The following CDH8 variants were observed in gnomAD, a reference collection of about 807,000 sequenced individuals.
CDH8 encodes cadherin-8.
A neutral mutation model predicts 68.1 loss-of-function variants in CDH8; 17 were observed. That is an observed-to-expected ratio of 0.25 (90% CI 0.17 to 0.37). The LOEUF (loss-of-function observed/expected upper bound fraction) is 0.37. Among genes scored for constraint, CDH8 ranks in the 10% least tolerant of loss-of-function variants. The pLI is 1.00. For missense variants in CDH8, 763 were observed against 999.3 expected, an observed-to-expected ratio of 0.76 and a Z score of 3.19; for synonymous variants, 372 against 365.1, an observed-to-expected ratio of 1.02 and a Z score of -0.21.
At chr16:62,025,406 G>C (rs537986035) in intron 1 of CDH8, among the ~76,000 whole-genome samples, 2 of 151,506 alleles carry the variant, frequency 1.3e-5, no homozygotes, top group Non-Finnish European at 3.0e-5. Flanking sequence ...TTTCTCCAAA[G>C]GTCTAGCCAT....
intron 10 of CDH8, among the ~76,000 whole-genome samples, chr16:61,697,619 G>A (rs1026705455): frequency 3.9e-5 from 6 of 151,930 alleles, no homozygotes. Context: ...TCAAGTCTCA[G>A]CCTCCTGAGT....
chr16:61,993,767 G>A (rs1186219610), intron 2 of CDH8, among the ~76,000 whole-genome samples: 1 of 151,984 alleles, frequency 6.6e-6, no homozygotes, highest in African/African-American at 2.4e-5. Flanking sequence ...TTATGCACAC[G>A]TAAGTATACA....
chr16:61,985,946 CAG>C (rs1159429425), intron 2 of CDH8, among the ~76,000 whole-genome samples: 45 of 105,098 alleles, frequency 4.3e-4, no homozygotes, highest in African/African-American at 1.6e-3. Context: ...TTTTTTGAGA[CAG>C]AGTCTCACTC....
chr16:61,797,608 C>T (rs1324963677), intron 7 of CDH8, among the ~76,000 whole-genome samples: 1 of 151,946 alleles, frequency 6.6e-6, no homozygotes, highest in Non-Finnish European at 1.5e-5. Context: ...TAAGGTATGC[C>T]CCAAATGAGA....
intron 9 of CDH8, among the ~76,000 whole-genome samples, chr16:61,715,642 C>T (rs534379149): frequency 6.6e-6 from 1 of 151,634 alleles, no homozygotes; most frequent in Non-Finnish European, 1.5e-5. Context: ...AACTCTGTTA[C>T]TCAATGACCC....
At chr16:61,974,737 C>G (rs1487090297) in intron 2 of CDH8, among the ~76,000 whole-genome samples, 2 of 152,084 alleles carry the variant, frequency 1.3e-5, no homozygotes, top group Non-Finnish European at 2.9e-5. Context: ...GGCAGTAATT[C>G]TAGGAGCTAT....
chr16:61,808,689 A>T (rs1329720217), intron 7 of CDH8, among the ~76,000 whole-genome samples: 2 of 152,324 alleles, frequency 1.3e-5, no homozygotes, highest in East Asian at 3.9e-4. Flanking sequence ...GAGCTTTGAG[A>T]CAGAGTAAAA....
rs1054000571 is a variant in CDH8, at chr16:61,870,336, G to A, written c.548-13098C>T. Reference sequence around the variant, plus strand: ...GTTCGCCAGGCGGAAAGAAAAATGCGGCAGTAAGTATTTTGTACATGTTTC... The same window carrying A: ...GTTCGCCAGGCGGAAAGAAAAATGCAGCAGTAAGTATTTTGTACATGTTTC... On this transcript the variant is annotated intron_variant, in intron 3 of 11. Coordinates refer to ENST00000577390, the MANE Select transcript of CDH8 (RefSeq NM_001796.5). Among the ~76,000 whole-genome samples, 8 of 152,228 alleles carry A rather than the reference G, an allele frequency of 5.3e-5. No homozygotes were observed. In the East Asian group the frequency reaches 7.7e-4, roughly 15 times the overall value.
intron 4 of CDH8, among the ~76,000 whole-genome samples, chr16:61,852,883 T>C (rs1490583937): frequency 1.8e-5 from 2 of 113,888 alleles, no homozygotes; most frequent in African/African-American, 3.2e-5. Context: ...CCTTCCTTCC[T>C]TCCTTCCTTC....
At chr16:61,918,653 T>A (rs1054200478) in intron 2 of CDH8, 1 of 154,768 alleles carries the variant, frequency 6.5e-6, no homozygotes, top group Non-Finnish European at 1.4e-5. Flanking sequence ...GGCACCTGGC[T>A]CGGAGGGTCC....
chr16:62,009,423 T>C (rs1248952896), intron 2 of CDH8, among the ~76,000 whole-genome samples: 1 of 152,242 alleles, frequency 6.6e-6, no homozygotes, highest in Non-Finnish European at 1.5e-5. Context: ...CTGGAGCCTC[T>C]GTAATATTGT....
chr16:61,985,196 G>T (rs1186568277), intron 2 of CDH8, among the ~76,000 whole-genome samples: 2 of 151,866 alleles, frequency 1.3e-5, no homozygotes, highest in Non-Finnish European at 1.5e-5. Context: ...CCTTTGCAAG[G>T]ATGATCAGAA....
chr16:61,715,841 T>A (rs1158548682), intron 9 of CDH8, among the ~76,000 whole-genome samples: 1 of 151,676 alleles, frequency 6.6e-6, no homozygotes, highest in Admixed American at 6.6e-5. Flanking sequence ...CAAGTAAAAA[T>A]ATTTAACAGA....
intron 3 of CDH8, among the ~76,000 whole-genome samples, chr16:61,880,211 A>G (rs781425808): frequency 6.6e-5 from 10 of 152,190 alleles, no homozygotes; most frequent in Non-Finnish European, 1.5e-4. Context: ...GGTGTAAGCC[A>G]CCGTGCCCGG....
At chr16:62,028,910 T>G (rs904944320) in intron 1 of CDH8, among the ~76,000 whole-genome samples, 4 of 152,178 alleles carry the variant, frequency 2.6e-5, no homozygotes, top group Non-Finnish European at 5.9e-5. Flanking sequence ...ACCTACTGAG[T>G]GACAACATTT....
chr16:61,999,182 C>G (rs563202889), intron 2 of CDH8, among the ~76,000 whole-genome samples: 1 of 152,300 alleles, frequency 6.6e-6, no homozygotes, highest in South Asian at 2.1e-4. Context: ...AGGTACTTCT[C>G]ATGTATTTAC....
At chr16:62,013,981 A>G (rs1293231341) in intron 2 of CDH8, among the ~76,000 whole-genome samples, 1 of 152,206 alleles carries the variant, frequency 6.6e-6, no homozygotes, top group Non-Finnish European at 1.5e-5. Context: ...AAAGCTGAGA[A>G]TTTACTTCTC....
intron 10 of CDH8, among the ~76,000 whole-genome samples, chr16:61,683,689 C>T (rs534899836): frequency 6.6e-6 from 1 of 151,992 alleles, no homozygotes; most frequent in Middle Eastern, 3.2e-3. Context: ...TCACTAATAT[C>T]TTTGGATGGT....
chr16:61,690,165 C>A (rs1282004119), intron 10 of CDH8, among the ~76,000 whole-genome samples: 1 of 152,060 alleles, frequency 6.6e-6, no homozygotes, highest in Non-Finnish European at 1.5e-5. Context: ...AATGATGAAG[C>A]TGCCTGGGTC....
Sources: gnomAD v4.1 joint callset for allele counts (sites outside exome capture counted in the v4.1 genomes callset) on GRCh38, gnomAD v4.1.1 for gene constraint, MANE v1.5 for transcripts, NCBI Gene and HGNC (gene_info 2026-07-23, HGNC 2026-07-21) for gene names.